The following ERAP1 variants were observed in gnomAD, a reference collection of about 807,000 sequenced individuals.
The protein encoded by ERAP1 is endoplasmic reticulum aminopeptidase 1.
A neutral mutation model predicts 103.7 loss-of-function variants in ERAP1; 86 were observed. The observed-to-expected ratio is 0.83, with a 90% CI of 0.70 to 0.99. The LOEUF is 0.99. Among genes scored for constraint, ERAP1 ranks in the 50% least tolerant of loss-of-function variants. The pLI is 0.00. For synonymous variants in ERAP1, 398 were observed against 402.4 expected, an observed-to-expected ratio of 0.99 and a Z score of 0.13; for missense variants, 1,009 against 1,128.4, an observed-to-expected ratio of 0.89 and a Z score of 1.52.
At chr5:96,794,566 T>C (rs1417844771) in intron 5 of ERAP1, among the ~76,000 whole-genome samples, 1 of 152,148 alleles carries the variant, frequency 6.6e-6, no homozygotes, top group African/African-American at 2.4e-5. Context: ...ATTATAATAA[T>C]CCATTCTATT....
At chr5:96,895,261 G>T in the ERAP1 span, 1 of 1,609,912 alleles carries the variant, frequency 6.2e-7, no homozygotes, top group South Asian at 1.1e-5. Flanking sequence ...TGGCAACCTG[G>T]TCACAATGGA....
chr5:96,899,353 C>T, the ERAP1 span, among the ~76,000 whole-genome samples: 1 of 152,234 alleles, frequency 6.6e-6, no homozygotes, highest in African/African-American at 2.4e-5. Flanking sequence ...ACCAAAGGGC[C>T]CTGTAGTATT....
At chr5:96,911,384 A>C in the ERAP1 span, among the ~76,000 whole-genome samples, 1 of 152,228 alleles carries the variant, frequency 6.6e-6, no homozygotes, top group Admixed American at 6.5e-5. Context: ...TTAAAAAGTC[A>C]TATGCCCACT....
At chr5:96,793,591 T>C (rs986959528) in intron 6 of ERAP1, 78 bp from the exon 7 acceptor site, 1 of 1,208,706 alleles carries the variant, frequency 8.3e-7, no homozygotes, top group African/African-American at 1.5e-5. Context: ...AGTTTATGAA[T>C]GTTAACATAT....
chr5:96,879,406 A>G, the ERAP1 span, among the ~76,000 whole-genome samples: 3 of 152,348 alleles, frequency 2.0e-5, no homozygotes, highest in Middle Eastern at 6.8e-3. Context: ...TAATAACCAG[A>G]TAACAGCTTA....
intron 18 of ERAP1, among the ~76,000 whole-genome samples, chr5:96,777,228 CAGAT>C (rs1774462260): frequency 6.6e-6 from 1 of 152,198 alleles, no homozygotes; most frequent in Admixed American, 6.5e-5. Context: ...GCTCACATGA[CAGAT>C]AGGCTGGCTT....
upstream of ERAP1, among the ~76,000 whole-genome samples, chr5:96,810,354 C>G (rs1779082260): frequency 6.6e-6 from 1 of 152,128 alleles, no homozygotes; most frequent in South Asian, 2.1e-4. Context: ...AGAAAGGGTA[C>G]CTAGGTTTAT....
At chr5:96,826,830 T>C in the ERAP1 span, among the ~76,000 whole-genome samples, 9,061 of 152,288 alleles carry the variant, frequency 0.059, 386 homozygotes, top group Middle Eastern at 0.14. Context: ...TACTCTTATT[T>C]TGAAAAACTT....
At chr5:96,910,022 T>C in the ERAP1 span, 2 of 316,116 alleles carry the variant, frequency 6.3e-6, no homozygotes, top group East Asian at 1.1e-4. Context: ...TCCCAGCACT[T>C]TGGGAGGCCA....
intron 3 of ERAP1, among the ~76,000 whole-genome samples, chr5:96,798,250 G>A (rs1237674471): frequency 3.4e-5 from 5 of 147,012 alleles, no homozygotes; most frequent in South Asian, 4.2e-4. Context: ...GCATGAACCC[G>A]GAAGGCAGAG....
the ERAP1 span, among the ~76,000 whole-genome samples, chr5:96,817,730 T>C: frequency 4.4e-3 from 671 of 152,336 alleles, 3 homozygotes; most frequent in Non-Finnish European, 7.0e-3. Context: ...TCTGCCACAA[T>C]TGCTGGCTCC....
At chr5:96,931,953 T>G in the ERAP1 span, among the ~76,000 whole-genome samples, 6 of 152,260 alleles carry the variant, frequency 3.9e-5, no homozygotes, top group African/African-American at 1.4e-4. Flanking sequence ...CTAGTTTTAC[T>G]CAGAGTTTTG....
At chr5:96,883,807 A>G in the ERAP1 span, 1 of 1,610,606 alleles carries the variant, frequency 6.2e-7, no homozygotes, top group Non-Finnish European at 8.5e-7. Flanking sequence ...TTGCAGTAAC[A>G]GATTTTGAGC....
intron 19 of ERAP1, chr5:96,766,101 A>C (rs1216711335): frequency 1.2e-6 from 2 of 1,611,922 alleles, no homozygotes; most frequent in Non-Finnish European, 1.7e-6. Context: ...AAGAGATGAC[A>C]CTATCCCACC....
rs1775400728 is a variant in ERAP1, at chr5:96,782,774, C to T, written c.2285+277G>A. On this transcript the variant is annotated intron_variant, in intron 15 of 18. Transcript: ENST00000443439. The stretch of plus-strand genomic sequence containing the variant: ...TGTTTCTCTATGGCATGGCTGTCAC[C>T]GTTTAATAAGATTTTGCATTGCCTA... Among the ~76,000 whole-genome samples, 3 of 152,104 alleles carry T rather than the reference C, an allele frequency of 2.0e-5. No individual in the cohort carries two copies. The South Asian group carries it at 6.2e-4, about 32-fold the overall frequency.
the ERAP1 span, among the ~76,000 whole-genome samples, chr5:96,883,439 AGT>A: frequency 1.3e-5 from 2 of 152,206 alleles, no homozygotes; most frequent in African/African-American, 2.4e-5. Flanking sequence ...TTAATTTCCT[AGT>A]GAATTTTGAA....
the ERAP1 span, among the ~76,000 whole-genome samples, chr5:96,906,157 T>C: frequency 6.7e-6 from 1 of 150,324 alleles, no homozygotes; most frequent in South Asian, 2.1e-4. Context: ...TCCAGAGCCA[T>C]TCTCTTAACC....
chr5:96,858,763 T>C, the ERAP1 span, among the ~76,000 whole-genome samples: 5 of 152,122 alleles, frequency 3.3e-5, no homozygotes, highest in Non-Finnish European at 7.3e-5. Flanking sequence ...AGATTAATCA[T>C]GGTATGTAAA....
At chr5:96,893,616 C>T in the ERAP1 span, among the ~76,000 whole-genome samples, 1 of 152,170 alleles carries the variant, frequency 6.6e-6, no homozygotes, top group Non-Finnish European at 1.5e-5. Context: ...AGGCTCCATG[C>T]TCCCTCTGGC....
Sources: gnomAD v4.1 joint callset for allele counts (sites outside exome capture counted in the v4.1 genomes callset) on GRCh38, gnomAD v4.1.1 for gene constraint, MANE v1.5 for transcripts, NCBI Gene and HGNC (gene_info 2026-07-23, HGNC 2026-07-21) for gene names.